INTS14: variants seen among roughly 807,000 people sequenced by gnomAD.
INTS14 encodes the protein UPF0464 protein C15orf44.
INTS14 carries 27 observed loss-of-function variants against 56.9 expected under a neutral mutation model. The observed-to-expected ratio is 0.47, with a 90% CI of 0.35 to 0.65. The LOEUF is 0.65. Among genes scored for constraint, INTS14 ranks in the 30% least tolerant of loss-of-function variants. The pLI, the probability that INTS14 is intolerant of heterozygous loss-of-function variation, is 0.00. For synonymous variants in INTS14, 207 were observed against 236.2 expected (o/e 0.88, Z 1.13); for missense variants, 517 against 632.2 (o/e 0.82, Z 1.95).
chr15:65,587,445 G>A (rs953100413), intron 9 of INTS14, among the ~76,000 whole-genome samples: 81 of 98,982 alleles, frequency 8.2e-4, no homozygotes, highest in Admixed American at 2.1e-3. Flanking sequence ...AAAATAACTG[G>A]GACTGAGCTA....
intron 1 of INTS14, among the ~76,000 whole-genome samples, chr15:65,609,875 T>C (rs537199871): frequency 1.1e-4 from 16 of 152,284 alleles, no homozygotes; most frequent in Admixed American, 9.8e-4. Flanking sequence ...TTGACAGTGA[T>C]GACAGCTGGC....
chr15:65,602,169 G>A (rs2073458809), intron 3 of INTS14, among the ~76,000 whole-genome samples: 1 of 152,132 alleles, frequency 6.6e-6, no homozygotes. Context: ...GAGCCCGGAG[G>A]CAGAGGCTGC....
At chr15:65,606,474 C>CA (rs1346209297) in intron 2 of INTS14, among the ~76,000 whole-genome samples, 3 of 151,534 alleles carry the variant, frequency 2.0e-5, no homozygotes, top group Admixed American at 2.0e-4. Flanking sequence ...AGGCTGGTCT[C>CA]AAACTCCTGG....
At chr15:65,596,860 G>A (rs529702882) in intron 6 of INTS14, among the ~76,000 whole-genome samples, 10 of 152,244 alleles carry the variant, frequency 6.6e-5, no homozygotes, top group African/African-American at 1.9e-4. Context: ...CACCGTGCCC[G>A]ACCCTATTTC....
intron 6 of INTS14, among the ~76,000 whole-genome samples, chr15:65,596,717 T>C (rs935839348): frequency 8.5e-5 from 13 of 152,136 alleles, no homozygotes; most frequent in Non-Finnish European, 1.6e-4. Flanking sequence ...ATTATAGACA[T>C]GTGCCACCAC....
chr15:65,608,891 C>T (rs1481160104), intron 1 of INTS14, among the ~76,000 whole-genome samples: 1 of 152,066 alleles, frequency 6.6e-6, no homozygotes, highest in Non-Finnish European at 1.5e-5. Flanking sequence ...TCTAAAATTC[C>T]ATTTGTTCTT....
chr15:65,587,037 G>A (rs768616380), intron 9 of INTS14: 24 of 152,150 alleles, frequency 1.6e-4, no homozygotes, highest in Admixed American at 9.2e-4. Context: ...CTAACTTTCC[G>A]TAGCAACACT....
chr15:65,610,087 A>T (rs1023126049), intron 1 of INTS14, among the ~76,000 whole-genome samples: 2 of 150,970 alleles, frequency 1.3e-5, no homozygotes, highest in Non-Finnish European at 3.0e-5. Context: ...AAAAAAAAAA[A>T]GGCCAGGCAC....
In INTS14 at chr15:65,599,770, T is replaced by A. The variant is rs771386913; in HGVS notation, c.486+4A>T. ...CAAACTAAAAACTTAGCAAAAGGTA[T>A]TACCTCCTCCAAATTCGCCATGCAC... On this transcript the variant is annotated splice_donor_region_variant and intron_variant, in intron 4 of 11. Coordinates refer to ENST00000313182, the MANE Select transcript of INTS14 (RefSeq NM_001394796.1). The A allele has an allele frequency of 6.2e-7, 1 of 1,613,264 alleles. No homozygotes were observed. Among genetic ancestry groups the A allele is most frequent in the South Asian group, 1.1e-5 (1 of 91,014 alleles).
chr15:65,603,220 T>C (rs1410991460), intron 3 of INTS14, among the ~76,000 whole-genome samples: 1 of 152,254 alleles, frequency 6.6e-6, no homozygotes, highest in East Asian at 1.9e-4. Flanking sequence ...CTTCAGCAAG[T>C]ATCCACTATA....
chr15:65,611,076 G>A (rs1051689860), intron 1 of INTS14, 22 bp downstream of exon 1: 15 of 1,535,524 alleles, frequency 9.8e-6, no homozygotes, highest in Non-Finnish European at 1.3e-5. Flanking sequence ...GGCAGTCCCG[G>A]GCCCTCGGCC....
rs946322226 is a variant in INTS14, at chr15:65,593,532, T to G, written c.882A>C (p.Glu294Asp). 1.9e-6 allele frequency: 3 copies of G among 1,613,948 alleles called. No homozygotes were observed. Among genetic ancestry groups the G allele is most frequent in the Non-Finnish European group, 1.7e-6 (2 of 1,179,994 alleles). Reference protein sequence around the residue: ...EVGTGITDDNEDENSANQIAG... With the variant: ...EVGTGITDDNDDENSANQIAG... ...CAATCTGATTGGCTGAATTTTCATC[T>G]TCATTGTCATCAGTGATGCCAGTAC... Residue 294 changes from glutamate (E) to aspartate (D), a missense_variant, in exon 8 of 12, where the codon GAA (glutamate) becomes GAC (aspartate). Physicochemically the swap from Glu to Asp is conservative, Grantham distance 45. Transcript: ENST00000313182.
chr15:65,582,431 A>T (rs1013650794), intron 10 of INTS14, among the ~76,000 whole-genome samples: 17 of 152,210 alleles, frequency 1.1e-4, no homozygotes, highest in African/African-American at 4.1e-4. Context: ...AATGGATCAG[A>T]GACCTACATG....
At position 65,608,098 on chromosome 15, in the gene INTS14, G is replaced by A. The variant is rs553255334; in HGVS notation, c.-62-656C>T. On this transcript the variant is annotated intron_variant, in intron 1 of 11. Coordinates refer to ENST00000313182, the MANE Select transcript of INTS14 (RefSeq NM_001394796.1). The stretch of plus-strand genomic sequence containing the variant: ...ACAAAATTAAAGAATATGTAAGGTC[G>A]GGCACAGTGGCTCATGCCTGTAATC... Among the ~76,000 whole-genome samples the A allele has an allele frequency of 2.3e-3, 346 of 152,232 alleles. 3 individuals are homozygous for A. Among genetic ancestry groups the A allele is most frequent in the South Asian group, 5.6e-3 (27 of 4,818 alleles).
chr15:65,595,946 G>C, intron 6 of INTS14, 121 bp from the exon 7 acceptor site: 1 of 683,094 alleles, frequency 1.5e-6, no homozygotes, highest in Non-Finnish European at 2.3e-6. Context: ...GACTGGGAAA[G>C]TTATTAGATT....
At chr15:65,583,127 G>A (rs1314921160) in intron 10 of INTS14, among the ~76,000 whole-genome samples, 1 of 152,118 alleles carries the variant, frequency 6.6e-6, no homozygotes, top group Admixed American at 6.5e-5. Flanking sequence ...AGAGAGTGTG[G>A]CAATTCCTCA....
chr15:65,583,734 C>G (rs1242556341), intron 10 of INTS14, among the ~76,000 whole-genome samples: 1 of 151,360 alleles, frequency 6.6e-6, no homozygotes, highest in Non-Finnish European at 1.5e-5. Context: ...AAGATTCAAA[C>G]AAAAAAAATT....
At position 65,578,788 on chromosome 15, in the gene INTS14, A is replaced by T. The variant is rs1024085994; in HGVS notation, c.*620T>A. 2 of 152,232 alleles carry T rather than the reference A, an allele frequency of 1.3e-5. No homozygotes were observed. Among genetic ancestry groups the T allele is most frequent in the Non-Finnish European group, 2.9e-5 (2 of 68,054 alleles). The allele number at this position is 152,232 out of a possible 1,614,324, so 9.4% of individuals were successfully genotyped here. On this transcript the variant is annotated 3_prime_UTR_variant, in exon 12 of 12. Transcript: ENST00000313182. Reference sequence around the variant, plus strand: ...TTCATAGTGAAACCATTTTCTAGAAAATCAAATATTTTATTTTCATTAAAA... The same window carrying T: ...TTCATAGTGAAACCATTTTCTAGAATATCAAATATTTTATTTTCATTAAAA...
Position 65,578,836 on chromosome 15 carries a change from C to G in INTS14, c.*572G>C, listed in dbSNP as rs141882526. ...AAAAAAAACCTTGAATAATAGGAAT[C>G]ATTTTACACATTAATGGTTGCTCTT... On this transcript the variant is annotated 3_prime_UTR_variant, in exon 12 of 12. Coordinates refer to ENST00000313182, the MANE Select transcript of INTS14 (RefSeq NM_001394796.1). 2.8e-4 allele frequency: 42 copies of G among 152,052 alleles called. No individual in the cohort carries two copies. The highest frequency in any genetic ancestry group is 9.9e-4 in the African/African-American group (41 of 41,482). 9.4% of individuals were successfully genotyped at this position (152,052 alleles called of 1,614,324 possible). A position where few individuals can be genotyped will look rare whatever the true frequency, so the allele number is the denominator to read the frequency against.
Sources: allele counts gnomAD v4.1 joint callset (sites outside exome capture counted in the v4.1 genomes callset), GRCh38; gene constraint gnomAD v4.1.1; transcripts MANE v1.5; gene names NCBI Gene and HGNC (gene_info 2026-07-23, HGNC 2026-07-21).